Variants in ANXA8 observed in about 807,000 individuals in gnomAD.
The protein encoded by ANXA8 is annexin A8.
ANXA8 carries 9 observed loss-of-function variants against 26.8 expected under a neutral mutation model. The observed-to-expected ratio is 0.34, with a 90% confidence interval of 0.20 to 0.59. The LOEUF is 0.59. Ranked by LOEUF, ANXA8 falls within the 20% of genes least tolerant of loss-of-function variation. The pLI is 0.84. For missense variants in ANXA8, 83 were observed against 238.5 expected, an observed-to-expected ratio of 0.35 and a Z score of 4.29; for synonymous variants, 39 against 94.8, an observed-to-expected ratio of 0.41 and a Z score of 3.42.
chr10:47,977,966 C>T, the ANXA8 span, among the ~76,000 whole-genome samples: 2 of 150,970 alleles, frequency 1.3e-5, no homozygotes, highest in African/African-American at 2.4e-5. Context: ...CAACGAACTA[C>T]AAGTGGTATA....
chr10:47,585,288 AAAAG>A, the ANXA8 span, among the ~76,000 whole-genome samples: 1 of 144,434 alleles, frequency 6.9e-6, no homozygotes, highest in South Asian at 2.1e-4. Context: ...AAAAAAAAAA[AAAAG>A]AATATAAATA....
the ANXA8 span, chr10:47,553,377 G>A: frequency 6.5e-6 from 1 of 153,400 alleles, no homozygotes; most frequent in East Asian, 1.9e-4. Flanking sequence ...AGATGACCCG[G>A]AGGACCGGGG....
chr10:47,648,281 T>C, the ANXA8 span, among the ~76,000 whole-genome samples: 2 of 151,700 alleles, frequency 1.3e-5, no homozygotes, highest in Non-Finnish European at 2.9e-5. Flanking sequence ...TTGGAAAACG[T>C]AGCTTGCTGA....
the ANXA8 span, chr10:47,763,114 C>A: frequency 1.0e-6 from 1 of 990,724 alleles, no homozygotes; most frequent in Non-Finnish European, 1.2e-6. Flanking sequence ...AGATCCTCCT[C>A]AAGCCGAGGC....
the ANXA8 span, among the ~76,000 whole-genome samples, chr10:47,656,430 T>C: frequency 6.8e-6 from 1 of 147,340 alleles, no homozygotes; most frequent in African/African-American, 2.7e-5. Context: ...AACAACATTT[T>C]ATTTTGGTGA....
the ANXA8 span, among the ~76,000 whole-genome samples, chr10:47,976,467 G>A: frequency 6.6e-6 from 1 of 151,254 alleles, no homozygotes; most frequent in African/African-American, 2.4e-5. Context: ...TAGCACTTTG[G>A]GAGGCTGAGA....
At chr10:47,979,219 T>C in the ANXA8 span, among the ~76,000 whole-genome samples, 1 of 151,778 alleles carries the variant, frequency 6.6e-6, no homozygotes, top group Non-Finnish European at 1.5e-5. Flanking sequence ...CAATTATAGT[T>C]GGAAACATCA....
At chr10:47,951,655 C>CA in the ANXA8 span, among the ~76,000 whole-genome samples, 8 of 149,968 alleles carry the variant, frequency 5.3e-5, no homozygotes, top group Non-Finnish European at 7.4e-5. Flanking sequence ...ACTAAAAATA[C>CA]AAAAAATTAG....
At chr10:47,484,141 C>T (rs1244318167), upstream of ANXA8, 102 of 1,211,058 alleles carry the variant, frequency 8.4e-5, no homozygotes, top group Non-Finnish European at 1.2e-4. Flanking sequence ...TCTCCTGTGG[C>T]TCCCAGGCCC....
At chr10:47,590,050 C>T in the ANXA8 span, 3 of 146,138 alleles carry the variant, frequency 2.1e-5, no homozygotes, top group Admixed American at 6.7e-5. Context: ...ACAGGGGTGG[C>T]AAGTTCATCC....
the ANXA8 span, among the ~76,000 whole-genome samples, chr10:47,968,160 T>C: frequency 1.3e-4 from 19 of 149,580 alleles, 3 homozygotes; most frequent in Non-Finnish European, 2.3e-4. Flanking sequence ...TGTGCTTGGC[T>C]GAGTTCACAA....
chr10:47,594,982 A>G, the ANXA8 span, among the ~76,000 whole-genome samples: 1 of 149,680 alleles, frequency 6.7e-6, no homozygotes, highest in African/African-American at 2.5e-5. Context: ...CAAGGTTAAC[A>G]CAAAAGAAAA....
the ANXA8 span, among the ~76,000 whole-genome samples, chr10:47,667,979 C>A: frequency 6.6e-6 from 1 of 151,966 alleles, no homozygotes; most frequent in Non-Finnish European, 1.5e-5. Flanking sequence ...CTCAAATGAT[C>A]CACTCACTTC....
chr10:47,989,790 A>T, the ANXA8 span, among the ~76,000 whole-genome samples: 2 of 92,030 alleles, frequency 2.2e-5, 1 homozygote, highest in African/African-American at 6.7e-5. Flanking sequence ...GTTTGTCTCT[A>T]TGAGAGACAC....
the ANXA8 span, among the ~76,000 whole-genome samples, chr10:47,975,258 T>C: frequency 2.7e-5 from 4 of 149,592 alleles, no homozygotes; most frequent in African/African-American, 4.9e-5. Context: ...AATTCTTAAC[T>C]GGGCTTAGAG....
chr10:47,558,834 G>A, the ANXA8 span, among the ~76,000 whole-genome samples: 1 of 151,796 alleles, frequency 6.6e-6, no homozygotes, highest in Admixed American at 6.6e-5. Flanking sequence ...GCTGAAGGAG[G>A]AAAGGCTTGG....
At chr10:47,702,488 G>C in the ANXA8 span, among the ~76,000 whole-genome samples, 1 of 151,006 alleles carries the variant, frequency 6.6e-6, no homozygotes, top group East Asian at 2.0e-4. Flanking sequence ...CTACAGGTAC[G>C]TGCCACCACG....
the ANXA8 span, among the ~76,000 whole-genome samples, chr10:47,687,344 C>T: frequency 1.3e-5 from 2 of 150,936 alleles, no homozygotes; most frequent in Non-Finnish European, 2.9e-5. Context: ...GATCTTGGCT[C>T]ACTGCAACCT....
chr10:47,534,431 T>G, the ANXA8 span, among the ~76,000 whole-genome samples: 2 of 133,244 alleles, frequency 1.5e-5, no homozygotes, highest in Admixed American at 1.5e-4. Context: ...ATTTTCATTT[T>G]CCTGATAATC....
Sources: allele counts gnomAD v4.1 joint callset (sites outside exome capture counted in the v4.1 genomes callset), GRCh38; gene constraint gnomAD v4.1.1; transcripts MANE v1.5; gene names NCBI Gene and HGNC (gene_info 2026-07-23, HGNC 2026-07-21).